Variants in OLFM2 observed in about 807,000 individuals in gnomAD.
The protein encoded by OLFM2 is noelin-2.
Under a neutral mutation model 43.9 loss-of-function variants are expected in OLFM2, and 20 were observed. That is an observed-to-expected ratio of 0.46 (90% CI 0.32 to 0.66). The LOEUF is 0.66. Among genes scored for constraint, OLFM2 ranks in the 30% least tolerant of loss-of-function variants. The pLI, the probability that OLFM2 is intolerant of heterozygous loss-of-function variation, is 0.04. For missense variants in OLFM2, 416 were observed against 643.6 expected (o/e 0.65, Z 3.83); for synonymous variants, 268 against 278.6 (o/e 0.96, Z 0.38).
rs2046320383 is a variant in OLFM2 at position 9,856,692 on chromosome 19, C to T, written c.687+115G>A. 3.6e-6 allele frequency: 3 copies of T among 827,578 alleles called. No individual in the cohort carries two copies. Among genetic ancestry groups the T allele is most frequent in the Non-Finnish European group, 5.9e-6 (3 of 510,038 alleles). 51.3% of individuals were successfully genotyped at this position (827,578 alleles called of 1,614,324 possible). ...GGAGGTCCAATGGCCCTGGGGGATC[C>T]AGGACACTTTGGGCTACAAGACAGT... On this transcript the variant is annotated intron_variant, in intron 5 of 5. Transcript: ENST00000264833. This position sits in a 1 kb window ranked among gnomAD's most constrained non-coding sequence, Gnocchi z 4.0.
intron 1 of OLFM2, among the ~76,000 whole-genome samples, chr19:9,904,152 T>TTGTGTGTGCG (rs2046763858): frequency 7.9e-6 from 1 of 127,162 alleles, no homozygotes. Context: ...TGAGTATTGT[T>TTGTGTGTGCG]TGTGTGTGTG....
At chr19:9,915,345 G>A (rs1431578076) in intron 1 of OLFM2, among the ~76,000 whole-genome samples, 1 of 149,900 alleles carries the variant, frequency 6.7e-6, no homozygotes, top group Non-Finnish European at 1.5e-5. Context: ...CCAAAGTGTT[G>A]GCATTCCAAG....
intron 1 of OLFM2, among the ~76,000 whole-genome samples, chr19:9,878,205 G>A (rs2046507582): frequency 6.6e-6 from 1 of 151,968 alleles, no homozygotes; most frequent in Non-Finnish European, 1.5e-5. Context: ...AACAGGCCGG[G>A]ACACATACGC....
At chr19:9,919,835 C>T (rs2086408828) in intron 1 of OLFM2, among the ~76,000 whole-genome samples, 2 of 140,722 alleles carry the variant, frequency 1.4e-5, no homozygotes, top group African/African-American at 2.7e-5. Flanking sequence ...TGCTCTGTCA[C>T]CCAGGTTGGA....
chr19:9,926,674 C>T (rs1487153215), intron 1 of OLFM2, among the ~76,000 whole-genome samples: 1 of 151,876 alleles, frequency 6.6e-6, no homozygotes, highest in East Asian at 1.9e-4. Context: ...CTATGAGTCA[C>T]TATTACCAGC....
At chr19:9,893,419 C>T (rs970066003) in intron 1 of OLFM2, among the ~76,000 whole-genome samples, 2 of 152,210 alleles carry the variant, frequency 1.3e-5, no homozygotes, top group African/African-American at 4.8e-5. Flanking sequence ...CCCGCCTCCA[C>T]CTCCCAAAGT....
intron 1 of OLFM2, among the ~76,000 whole-genome samples, chr19:9,895,942 G>A (rs7254989): frequency 0.41 from 62,197 of 151,900 alleles, 13,494 homozygotes; most frequent in Admixed American, 0.53. Flanking sequence ...TTATCCTCCC[G>A]GCCAAAACCA....
rs560940801 is a variant in OLFM2, at chr19:9,856,032, A to G, written c.687+775T>C. On this transcript the variant is annotated intron_variant, in intron 5 of 5. Coordinates refer to ENST00000264833, the MANE Select transcript of OLFM2 (RefSeq NM_058164.4). This position sits in a 1 kb window ranked among gnomAD's most constrained non-coding sequence, Gnocchi z 4.0. ...CCATGGTTAACTAACCCCTGTCACC[A>G]TGAGGTGACCAGGCGTGTCATCAAC... is the stretch of plus-strand genomic sequence containing the variant. Among the ~76,000 whole-genome samples, 1 of 152,330 alleles carries G rather than the reference A, an allele frequency of 6.6e-6. No individual in the cohort carries two copies. The highest frequency in any genetic ancestry group is 2.1e-4 in the South Asian group (1 of 4,826).
intron 1 of OLFM2, among the ~76,000 whole-genome samples, chr19:9,881,146 C>T (rs1253642381): frequency 6.6e-6 from 1 of 152,200 alleles, no homozygotes; most frequent in Non-Finnish European, 1.5e-5. Flanking sequence ...ATCTGCCTGC[C>T]TCGGCCTCCC....
At chr19:9,864,787 CTTT>C (rs34810133) in intron 1 of OLFM2, among the ~76,000 whole-genome samples, 2 of 97,590 alleles carry the variant, frequency 2.0e-5, no homozygotes, top group South Asian at 3.8e-4. Context: ...ACACACCCAG[CTTT>C]TTTTTTTTTT....
intron 1 of OLFM2, among the ~76,000 whole-genome samples, chr19:9,889,401 A>C (rs894562596): frequency 2.0e-5 from 3 of 151,990 alleles, no homozygotes; most frequent in Admixed American, 1.3e-4. Context: ...GGTGCATGCC[A>C]CCATGCCTAG....
At chr19:9,867,049 A>AC (rs2046407260) in intron 1 of OLFM2, among the ~76,000 whole-genome samples, 1 of 151,678 alleles carries the variant, frequency 6.6e-6, no homozygotes, top group Non-Finnish European at 1.5e-5. Context: ...ATCTCCTACT[A>AC]CTCCACCACC....
At chr19:9,915,472 C>G (rs1158389839) in intron 1 of OLFM2, among the ~76,000 whole-genome samples, 1 of 151,484 alleles carries the variant, frequency 6.6e-6, no homozygotes, top group African/African-American at 2.4e-5. Flanking sequence ...AAACTTTAAA[C>G]AGAGTGATTG....
intron 1 of OLFM2, among the ~76,000 whole-genome samples, chr19:9,905,164 A>C (rs554352947): frequency 6.6e-4 from 100 of 152,130 alleles, no homozygotes; most frequent in African/African-American, 2.4e-3. Flanking sequence ...TCTACTAAAA[A>C]TACAAAAAAA....
chr19:9,928,415 A>C (rs567229562), intron 1 of OLFM2, among the ~76,000 whole-genome samples: 1 of 152,204 alleles, frequency 6.6e-6, no homozygotes, highest in African/African-American at 2.4e-5. Context: ...CTATTAAGCA[A>C]GGCTAGTTAC....
At chr19:9,873,598 G>A (rs1330480558) in intron 1 of OLFM2, among the ~76,000 whole-genome samples, 1 of 152,080 alleles carries the variant, frequency 6.6e-6, no homozygotes, top group Non-Finnish European at 1.5e-5. Context: ...GAGACCACAG[G>A]TGTGTGCCAC....
chr19:9,917,723 C>G (rs1201550601), intron 1 of OLFM2, among the ~76,000 whole-genome samples: 1 of 148,840 alleles, frequency 6.7e-6, no homozygotes, highest in Non-Finnish European at 1.5e-5. Flanking sequence ...TAACCAATTC[C>G]CTGTATTAAA....
At chr19:9,933,788 C>G (rs1047593141) in intron 1 of OLFM2, among the ~76,000 whole-genome samples, 21 of 152,048 alleles carry the variant, frequency 1.4e-4, no homozygotes, top group Non-Finnish European at 4.4e-5. Context: ...AACTCCTGAC[C>G]TCAGGCGATC....
At chr19:9,921,992 G>A (rs926442665) in intron 1 of OLFM2, among the ~76,000 whole-genome samples, 2 of 151,930 alleles carry the variant, frequency 1.3e-5, no homozygotes, top group Non-Finnish European at 2.9e-5. Flanking sequence ...AACTCGGCAG[G>A]CTAAGGTGGG....
Sources: gnomAD v4.1 joint callset for allele counts (sites outside exome capture counted in the v4.1 genomes callset) on GRCh38, gnomAD v4.1.1 for gene constraint, Gnocchi (gnomAD v3.1) non-coding constraint, MANE v1.5 for transcripts, NCBI Gene and HGNC (gene_info 2026-07-23, HGNC 2026-07-21) for gene names.